Variants in DYNC2H1 observed in about 807,000 individuals in gnomAD.
DYNC2H1 encodes cytoplasmic dynein 2 heavy chain 1.
In DYNC2H1, 410 loss-of-function variants were observed where a neutral mutation model predicts 570.0. The ratio of observed to expected loss-of-function variants is 0.72; its 90% CI spans 0.66 to 0.78. The LOEUF (loss-of-function observed/expected upper bound fraction) is 0.78. Ranked by LOEUF, DYNC2H1 falls within the 30% of genes least tolerant of loss-of-function variation. The pLI is 0.00. For missense variants in DYNC2H1, 4,865 were observed against 5,046.4 expected (o/e 0.96, Z 1.09); for synonymous variants, 1,688 against 1,677.6 (o/e 1.01, Z -0.15).
rs558069 is a variant in DYNC2H1, at chr11:103,450,320, G to T, written c.12457-4866G>T. ...GATAAATAGATAGCAGATCAGTAAA[G>T]ATATAAAAGACTTGAGTAACACTAT... On this transcript the variant is annotated intron_variant, in intron 85 of 88. Coordinates refer to ENST00000375735, the MANE Select transcript of DYNC2H1 (RefSeq NM_001377.3). Among the ~76,000 whole-genome samples, 5 of 152,116 alleles carry T rather than the reference G, an allele frequency of 3.3e-5. No individual in the cohort carries two copies. In the East Asian group the frequency reaches 9.7e-4, roughly 29 times the overall value.
intron 83 of DYNC2H1, among the ~76,000 whole-genome samples, chr11:103,378,189 C>A (rs868616012): frequency 2.0e-5 from 3 of 152,188 alleles, no homozygotes; most frequent in Non-Finnish European, 4.4e-5. Flanking sequence ...ACATCTCTAT[C>A]CCCATTTTAC....
In DYNC2H1 at chr11:103,241,790, G is replaced by A. The variant is rs756448860; in HGVS notation, c.9820-1903G>A. Reference sequence around the variant, plus strand: ...CTGGGTGATGCTCATACAGTGTAACGTGGCAGGAGGTATGATGGGAGTAGT... The same window carrying A: ...CTGGGTGATGCTCATACAGTGTAACATGGCAGGAGGTATGATGGGAGTAGT... On this transcript the variant is annotated intron_variant, in intron 63 of 88. Transcript: ENST00000375735. The surrounding 1 kb of genome is among the most constrained non-coding windows in gnomAD (Gnocchi z 5.1). Among the ~76,000 whole-genome samples the A allele has an allele frequency of 3.3e-5, 5 of 152,126 alleles. No homozygotes were observed. Among genetic ancestry groups the A allele is most frequent in the Non-Finnish European group, 7.4e-5 (5 of 68,014 alleles).
intron 82 of DYNC2H1, among the ~76,000 whole-genome samples, chr11:103,344,119 C>T (rs1422351357): frequency 2.6e-5 from 4 of 152,144 alleles, no homozygotes; most frequent in Admixed American, 2.6e-4. Context: ...TTGTCAGTAC[C>T]CTATGTGACT....
chr11:103,390,118 T>A (rs1028453484), intron 83 of DYNC2H1, among the ~76,000 whole-genome samples: 9 of 152,154 alleles, frequency 5.9e-5, no homozygotes, highest in Non-Finnish European at 1.2e-4. Flanking sequence ...CCCATTATTA[T>A]TGTGTGGGAG....
rs1862652001 is a variant in DYNC2H1, at chr11:103,199,998, T to C, written c.8089-48T>C. The stretch of plus-strand genomic sequence containing the variant: ...AATACAAAATGTTAATTTTTAACTG[T>C]ACCAAAAATACTTAAAGGGCACTAA... On this transcript the variant is annotated intron_variant, in intron 49 of 88. Coordinates refer to ENST00000375735, the MANE Select transcript of DYNC2H1 (RefSeq NM_001377.3). The surrounding 1 kb of genome is among the most constrained non-coding windows in gnomAD (Gnocchi z 4.6). The C allele has an allele frequency of 1.6e-6, 2 of 1,247,816 alleles. No homozygotes were observed. Among genetic ancestry groups the C allele is most frequent in the Non-Finnish European group, 2.3e-6 (2 of 874,388 alleles). 77.3% of individuals were successfully genotyped at this position (1,247,816 alleles called of 1,614,324 possible).
intron 44 of DYNC2H1, 95 bp downstream of exon 44, chr11:103,188,743 A>G: frequency 9.5e-7 from 1 of 1,051,246 alleles, no homozygotes; most frequent in Non-Finnish European, 1.3e-6. Context: ...TTTAAAATTT[A>G]GAATATAAAA....
Position 103,189,672 on chromosome 11 carries a change from T to G in DYNC2H1, c.7293T>G (p.Asp2431Glu). Residue 2431 changes from aspartate (D) to glutamate (E), a missense_variant and splice_region_variant, in exon 45 of 89, where the codon GAT becomes GAG. This residue lies in a region of DYNC2H1 where 2,401 missense variants were observed against 2,454.6 expected (regional missense o/e 0.98). Transcript: ENST00000375735. The surrounding 1 kb of genome is among the most constrained non-coding windows in gnomAD (Gnocchi z 4.3). The stretch of plus-strand genomic sequence containing the variant: ...TCTTCTTATATGCCATTTTTTTTAG[T>G]TACCCAGAAAGAGAGCAGTTACAAA... ...FTSIVRLCSI[D>E]YPEREQLQTI... The G allele has an allele frequency of 1.9e-6, 3 of 1,611,400 alleles. No homozygotes were observed. Among genetic ancestry groups the G allele is most frequent in the Non-Finnish European group, 2.5e-6 (3 of 1,178,902 alleles).
At chr11:103,258,173 T>A (rs890263780) in intron 69 of DYNC2H1, among the ~76,000 whole-genome samples, 1 of 152,230 alleles carries the variant, frequency 6.6e-6, no homozygotes, top group African/African-American at 2.4e-5. Flanking sequence ...TTATCAAGCA[T>A]GTATTCTAAT....
At chr11:103,190,181 GTTTC>G (rs1862237894) in intron 45 of DYNC2H1, among the ~76,000 whole-genome samples, 1 of 152,102 alleles carries the variant, frequency 6.6e-6, no homozygotes. Flanking sequence ...AGTCTTTGAT[GTTTC>G]TTTCTTTCTT....
At chr11:103,449,816 AG>A (rs919706941) in intron 85 of DYNC2H1, among the ~76,000 whole-genome samples, 3 of 152,256 alleles carry the variant, frequency 2.0e-5, no homozygotes, top group African/African-American at 7.2e-5. Context: ...GCAATTTATA[AG>A]CTAATTTTCT....
intron 35 of DYNC2H1, 100 bp downstream of exon 35, chr11:103,173,405 A>G (rs1861657071): frequency 8.6e-6 from 7 of 813,392 alleles, no homozygotes; most frequent in Non-Finnish European, 1.2e-5. Context: ...CACCTATTGC[A>G]TGATTTTTAT....
In DYNC2H1 at chr11:103,151,927, TGTATA is replaced by T. The variant is rs1860565511; in HGVS notation, c.2947-205_2947-201del. On this transcript the variant is annotated intron_variant, in intron 20 of 88. Coordinates refer to ENST00000375735, the MANE Select transcript of DYNC2H1 (RefSeq NM_001377.3). The surrounding 1 kb of genome is among the most constrained non-coding windows in gnomAD (Gnocchi z 4.6). ...TGTTAGAGTGCCTTAGTTGAATTTG[TGTATA>T]GTAAAAAATAACCATCAGAAAGTTT... 6.6e-6 allele frequency among the ~76,000 whole-genome samples: 1 copy of T among 152,106 alleles called. No homozygotes were observed. The highest frequency in any genetic ancestry group is 1.9e-4 in the East Asian group (1 of 5,198).
chr11:103,455,339 T>C (rs988868275), intron 86 of DYNC2H1, 44 bp downstream of exon 86: 4 of 1,539,290 alleles, frequency 2.6e-6, no homozygotes, highest in South Asian at 1.1e-5. Context: ...CTGACGGTAA[T>C]TAGTTTTGCT....
At chr11:103,432,606 AC>A (rs1334019098) in intron 84 of DYNC2H1, among the ~76,000 whole-genome samples, 1 of 152,116 alleles carries the variant, frequency 6.6e-6, no homozygotes, top group Non-Finnish European at 1.5e-5. Flanking sequence ...TTTTTGCCTA[AC>A]ATCATTTCCA....
At chr11:103,304,453 A>G in intron 76 of DYNC2H1, 142 bp from the exon 77 acceptor site, 2 of 895,962 alleles carry the variant, frequency 2.2e-6, no homozygotes, top group Non-Finnish European at 1.6e-6. Flanking sequence ...AATTTCTGGT[A>G]TTAGTTTGAT....
chr11:103,362,694 T>A (rs1245236474), intron 83 of DYNC2H1, among the ~76,000 whole-genome samples: 2 of 152,160 alleles, frequency 1.3e-5, no homozygotes, highest in Non-Finnish European at 2.9e-5. Context: ...TTGCTAAACA[T>A]CCTTGTTCCC....
At chr11:103,172,823 C>T (rs1355921876) in intron 34 of DYNC2H1, among the ~76,000 whole-genome samples, 1 of 151,868 alleles carries the variant, frequency 6.6e-6, no homozygotes, top group Non-Finnish European at 1.5e-5. Context: ...CATTCAGCCT[C>T]AAAAAACTGA....
intron 71 of DYNC2H1, among the ~76,000 whole-genome samples, chr11:103,281,520 G>A (rs889154293): frequency 2.0e-5 from 3 of 151,802 alleles, no homozygotes; most frequent in Non-Finnish European, 4.4e-5. Context: ...GGTGAGTGAA[G>A]CCAGAAAATA....
Position 103,147,697 on chromosome 11 carries a change from T to C in DYNC2H1, c.2703-75T>C, listed in dbSNP as rs190444790. The C allele has an allele frequency of 8.5e-5, 72 of 842,946 alleles. 1 individual carries two copies. The African/African-American group carries it at 1.1e-3, about 13-fold the overall frequency. 52.2% of individuals were successfully genotyped at this position (842,946 alleles called of 1,614,324 possible). A position where few individuals can be genotyped will look rare whatever the true frequency, so the allele number is the denominator to read the frequency against. ...TTTTTAAGTGTATTACATGAAATCA[T>C]TATAATATTATATGAGACTCTTTTC... On this transcript the variant is annotated intron_variant, in intron 18 of 88. Transcript: ENST00000375735.
Sources: gnomAD v4.1 joint callset for allele counts (sites outside exome capture counted in the v4.1 genomes callset) on GRCh38, gnomAD v4.1.1 for gene constraint, gnomAD v4.1.1 regional missense constraint, Gnocchi (gnomAD v3.1) non-coding constraint, MANE v1.5 for transcripts, NCBI Gene and HGNC (gene_info 2026-07-23, HGNC 2026-07-21) for gene names.